EOGT: variants seen among roughly 807,000 people sequenced by gnomAD.
The protein encoded by EOGT is EGF domain-specific O-linked N-acetylglucosamine transferase.
In EOGT, 55 loss-of-function variants were observed where a neutral mutation model predicts 70.5. The observed-to-expected ratio is 0.78, with a 90% CI of 0.63 to 0.98. The LOEUF is 0.98. Among genes scored for constraint, EOGT ranks in the 50% least tolerant of loss-of-function variants. The pLI is 0.00. For synonymous variants in EOGT, 246 were observed against 217.1 expected, an observed-to-expected ratio of 1.13 and a Z score of -1.17; for missense variants, 703 against 641.9, an observed-to-expected ratio of 1.10 and a Z score of -1.03.
chr3:69,012,346 G>A (rs1029888174), intron 2 of EOGT, 169 bp downstream of exon 2: 3 of 152,216 alleles, frequency 2.0e-5, no homozygotes, highest in Non-Finnish European at 2.9e-5. Context: ...AATCCCACTG[G>A]CTGAATCACA....
intron 6 of EOGT, among the ~76,000 whole-genome samples, chr3:69,007,507 C>CCGGGGGGG (rs1553673401): frequency 2.4e-4 from 6 of 24,816 alleles, no homozygotes; most frequent in African/African-American, 7.2e-4. Flanking sequence ...TAAAAATTAG[C>CCGGGGGGG]GGGGGGGGGT....
intron 14 of EOGT, among the ~76,000 whole-genome samples, chr3:68,984,009 T>C (rs2090729535): frequency 1.3e-5 from 2 of 152,158 alleles, no homozygotes; most frequent in East Asian, 1.9e-4. Flanking sequence ...TAAGTATTAG[T>C]ACTATGCCCA....
intron 10 of EOGT, among the ~76,000 whole-genome samples, chr3:68,994,919 G>A (rs532883690): frequency 6.6e-6 from 1 of 152,312 alleles, no homozygotes; most frequent in African/African-American, 2.4e-5. Flanking sequence ...TGCCCAGAGA[G>A]GCATCTGAAG....
chr3:68,993,964 A>G (rs2091072100), intron 10 of EOGT, among the ~76,000 whole-genome samples: 1 of 152,170 alleles, frequency 6.6e-6, no homozygotes, highest in Non-Finnish European at 1.5e-5. Context: ...CTCCCACAAC[A>G]TGTGGGAATT....
Position 68,977,451 on chromosome 3 carries a change from T to C in EOGT, c.*167A>G. ...AAATAGCAATGACACAAAAACCACATGAAACACTTAACATCTATACAACAC... is the reference window on the plus strand; with the variant it reads ...AAATAGCAATGACACAAAAACCACACGAAACACTTAACATCTATACAACAC... On this transcript the variant is annotated 3_prime_UTR_variant, in exon 18 of 18. Transcript: ENST00000383701. 1.6e-6 allele frequency: 1 copy of C among 640,534 alleles called. No homozygotes were observed. Among genetic ancestry groups the C allele is most frequent in the Non-Finnish European group, 2.5e-6 (1 of 402,214 alleles). The allele number at this position is 640,534 out of a possible 1,614,324, so 39.7% of individuals were successfully genotyped here.
chr3:68,979,887 T>C (rs960173541), intron 15 of EOGT, 100 bp from the exon 16 acceptor site: 8 of 1,187,000 alleles, frequency 6.7e-6, no homozygotes, highest in African/African-American at 6.3e-5. Flanking sequence ...TAAAAGTGTA[T>C]TGCCCATTTT....
At chr3:69,005,277 A>T in intron 6 of EOGT, 43 bp from the exon 7 acceptor site, 2 of 1,109,952 alleles carry the variant, frequency 1.8e-6, no homozygotes, top group Non-Finnish European at 2.7e-6. Context: ...GAGTATTAAC[A>T]CAGCAAAGAC....
At chr3:68,998,181 T>C (rs2091203711) in intron 9 of EOGT, 67 bp from the exon 10 acceptor site, 3 of 821,488 alleles carry the variant, frequency 3.7e-6, no homozygotes, top group Non-Finnish European at 6.1e-6. Context: ...AGTTTTATTC[T>C]ATCCCATCTA....
chr3:68,995,363 G>A (rs2107285804), intron 10 of EOGT, among the ~76,000 whole-genome samples: 1 of 152,312 alleles, frequency 6.6e-6, no homozygotes, highest in East Asian at 1.9e-4. Flanking sequence ...TTAGTAAATG[G>A]CTTCTTTGAC....
At chr3:68,990,596 C>T (rs1329153918) in intron 10 of EOGT, among the ~76,000 whole-genome samples, 7 of 152,090 alleles carry the variant, frequency 4.6e-5, no homozygotes, top group African/African-American at 1.2e-4. Flanking sequence ...TCAAGTGCTC[C>T]GCCTACCACG....
intron 10 of EOGT, among the ~76,000 whole-genome samples, chr3:68,997,355 T>A (rs1391582080): frequency 6.6e-6 from 1 of 151,272 alleles, no homozygotes; most frequent in African/African-American, 2.4e-5. Context: ...GTTACAGAGG[T>A]TGAGTGAATG....
intron 16 of EOGT, among the ~76,000 whole-genome samples, chr3:68,978,948 CAT>C (rs1451972383): frequency 1.5e-5 from 2 of 135,538 alleles, no homozygotes; most frequent in African/African-American, 5.7e-5. Context: ...CTACATATAT[CAT>C]ATATATTTTT....
At chr3:69,011,454 G>T (rs1012738366) in intron 3 of EOGT, among the ~76,000 whole-genome samples, 1 of 151,472 alleles carries the variant, frequency 6.6e-6, no homozygotes, top group African/African-American at 2.4e-5. Flanking sequence ...GATGAAACCC[G>T]GTCTCTGCTA....
chr3:68,979,326 T>A (rs920394275), intron 16 of EOGT, among the ~76,000 whole-genome samples: 1 of 152,242 alleles, frequency 6.6e-6, no homozygotes, highest in Admixed American at 6.5e-5. Context: ...GAGACATAAA[T>A]GCTTTCTTTT....
chr3:68,987,441 T>C lies in EOGT; in HGVS notation c.1152+4A>G, dbSNP rs1329889362. The C allele has an allele frequency of 1.9e-6, 3 of 1,608,464 alleles. No homozygotes were observed. The highest frequency in any genetic ancestry group is 2.6e-6 in the Non-Finnish European group (3 of 1,175,732). ...GGCATTAAAAATGCATACCAAAAAC[T>C]AACCTCATTTTGGTTAAGGATTTTC... On this transcript the variant is annotated splice_donor_region_variant and intron_variant, in intron 14 of 17. Transcript: ENST00000383701.
At position 69,009,705 on chromosome 3, in the gene EOGT, G is replaced by A. The variant is rs1173717173; in HGVS notation, c.142C>T (p.Pro48Ser). 1.2e-6 allele frequency: 2 copies of A among 1,614,058 alleles called. No individual in the cohort carries two copies. Among genetic ancestry groups the A allele is most frequent in the East Asian group, 2.2e-5 (1 of 44,860 alleles). ...TGCCTATTGTTGTGCAAAAAGAAGGGAATGTGCTCCTCTGGCAAGCGGATG... is the reference window on the plus strand; with the variant it reads ...TGCCTATTGTTGTGCAAAAAGAAGGAAATGTGCTCCTCTGGCAAGCGGATG... ...ASIRLPEEHI[P>S]FFLHNNRHIA... The change falls in exon 4 of 18, where the codon CCC becomes TCC. Residue 48 changes from proline to serine, a missense_variant. Coordinates refer to ENST00000383701, the MANE Select transcript of EOGT (RefSeq NM_001278689.2).
intron 4 of EOGT, 145 bp from the exon 5 acceptor site, chr3:69,008,673 A>G (rs1027670381): frequency 1.6e-6 from 1 of 634,302 alleles, no homozygotes; most frequent in Admixed American, 3.0e-5. Context: ...TTTAAAACTT[A>G]CAGTTAATTC....
chr3:69,001,514 G>A (rs1439574472), intron 9 of EOGT, 94 bp downstream of exon 9: 1 of 784,858 alleles, frequency 1.3e-6, no homozygotes, highest in African/African-American at 1.8e-5. Context: ...TTGTCATACT[G>A]CTTCCAAAAA....
chr3:68,996,669 A>AGCTGT (rs1217207859), intron 10 of EOGT, among the ~76,000 whole-genome samples: 1 of 152,146 alleles, frequency 6.6e-6, no homozygotes, highest in Non-Finnish European at 1.5e-5. Context: ...CTTGCACCTG[A>AGCTGT]GCTGTGCTGT....
Sources: gnomAD v4.1 joint callset for allele counts (sites outside exome capture counted in the v4.1 genomes callset) on GRCh38, gnomAD v4.1.1 for gene constraint, MANE v1.5 for transcripts, NCBI Gene and HGNC (gene_info 2026-07-23, HGNC 2026-07-21) for gene names.